LPP: variants seen among roughly 807,000 people sequenced by gnomAD.
LPP encodes LIM domain containing preferred translocation partner in lipoma, also known as lipoma-preferred partner.
Under a neutral mutation model 60.4 loss-of-function variants are expected in LPP, and 38 were observed. The ratio of observed to expected loss-of-function variants is 0.63; its 90% confidence interval spans 0.49 to 0.83. LPP has a LOEUF of 0.83. Ranked by LOEUF, LPP falls within the 40% of genes least tolerant of loss-of-function variation. The pLI, the probability that LPP is intolerant of heterozygous loss-of-function variation, is 0.00. For synonymous variants in LPP, 328 were observed against 290.8 expected, an observed-to-expected ratio of 1.13 and a Z score of -1.30; for missense variants, 902 against 783.6, an observed-to-expected ratio of 1.15 and a Z score of -1.80.
intron 4 of LPP, among the ~76,000 whole-genome samples, chr3:188,447,062 ACT>A (rs1560416216): frequency 6.6e-6 from 1 of 152,154 alleles, no homozygotes. Context: ...GTGTGGTCTA[ACT>A]CTGATTCCTT....
intron 3 of LPP, among the ~76,000 whole-genome samples, chr3:188,377,269 G>A (rs1372080451): frequency 6.6e-6 from 1 of 152,186 alleles, no homozygotes; most frequent in East Asian, 1.9e-4. Context: ...CTAGATTGGG[G>A]AAGTTCTTCT....
intron 3 of LPP, among the ~76,000 whole-genome samples, chr3:188,362,004 A>G (rs900733077): frequency 6.6e-6 from 1 of 152,186 alleles, no homozygotes; most frequent in East Asian, 1.9e-4. Flanking sequence ...TAGGGGACAC[A>G]AACACATAAA....
intron 3 of LPP, among the ~76,000 whole-genome samples, chr3:188,356,678 C>CT (rs1453702737): frequency 6.6e-6 from 1 of 152,194 alleles, no homozygotes; most frequent in Admixed American, 6.5e-5. Context: ...AACCTGGTCA[C>CT]TATGGAAGTT....
At chr3:188,285,010 A>T (rs58581982) in intron 2 of LPP, among the ~76,000 whole-genome samples, 19,591 of 152,014 alleles carry the variant, frequency 0.13, 1,495 homozygotes, top group African/African-American at 0.2. Context: ...CAGAGGGGGC[A>T]TAAGCAAGTG....
intron 1 of LPP, chr3:188,180,602 A>G (rs1465510444): frequency 6.5e-6 from 1 of 154,428 alleles, no homozygotes; most frequent in African/African-American, 2.4e-5. Flanking sequence ...ATGGAACCGT[A>G]TAAAGAAAAT....
At chr3:188,679,565 G>GCA (rs1858991792) in intron 7 of LPP, among the ~76,000 whole-genome samples, 3 of 135,230 alleles carry the variant, frequency 2.2e-5, no homozygotes, top group Non-Finnish European at 5.2e-5. Flanking sequence ...GTGTGTGTGC[G>GCA]CGCGCGCATG....
intron 4 of LPP, among the ~76,000 whole-genome samples, chr3:188,469,245 T>G (rs1801194316): frequency 1.3e-5 from 2 of 152,150 alleles, no homozygotes; most frequent in South Asian, 2.1e-4. Flanking sequence ...TTTGCAGATG[T>G]GGGACTGTGT....
chr3:188,401,377 C>T (rs1313877528), intron 3 of LPP, among the ~76,000 whole-genome samples: 2 of 152,176 alleles, frequency 1.3e-5, no homozygotes, highest in South Asian at 2.1e-4. Context: ...TTGCTTCATA[C>T]CCAAGCTCAC....
intron 6 of LPP, among the ~76,000 whole-genome samples, chr3:188,592,553 T>TGTTG (rs1453946551): frequency 8.2e-6 from 1 of 121,274 alleles, no homozygotes; most frequent in African/African-American, 2.9e-5. Flanking sequence ...TTAGTTTTGT[T>TGTTG]TTTGTTTTTT....
At chr3:188,783,869 C>CTCAGTAAAGGTTGATCAT (rs56671912) in intron 9 of LPP, among the ~76,000 whole-genome samples, 1 of 151,716 alleles carries the variant, frequency 6.6e-6, no homozygotes, top group South Asian at 2.1e-4. Flanking sequence ...AACTTGATAT[C>CTCAGTAAAGGTTGATCAT]TCATTCTTAC....
At chr3:188,540,868 G>A (rs1254558839) in intron 6 of LPP, among the ~76,000 whole-genome samples, 1 of 152,028 alleles carries the variant, frequency 6.6e-6, no homozygotes, top group Non-Finnish European at 1.5e-5. Context: ...TTTTCAGCTG[G>A]GCATCTTACT....
At chr3:188,764,609 A>G (rs1388083862) in intron 9 of LPP, among the ~76,000 whole-genome samples, 1 of 152,224 alleles carries the variant, frequency 6.6e-6, no homozygotes, top group East Asian at 1.9e-4. Context: ...AAGGGCAGCA[A>G]CAGTGCCTCC....
intron 5 of LPP, among the ~76,000 whole-genome samples, chr3:188,502,088 G>A (rs1393704966): frequency 2.0e-5 from 3 of 152,032 alleles, no homozygotes; most frequent in East Asian, 3.9e-4. Flanking sequence ...GCTTATTCAT[G>A]TTCTATCCTG....
intron 7 of LPP, among the ~76,000 whole-genome samples, chr3:188,683,467 C>A (rs1217541569): frequency 6.6e-6 from 1 of 152,140 alleles, no homozygotes; most frequent in African/African-American, 2.4e-5. Context: ...CAGTCCACAA[C>A]TGGAAGTTTC....
At chr3:188,330,989 GTCT>G (rs1048260008) in intron 2 of LPP, among the ~76,000 whole-genome samples, 2 of 151,976 alleles carry the variant, frequency 1.3e-5, no homozygotes, top group African/African-American at 2.4e-5. Flanking sequence ...AGACCATTTA[GTCT>G]TCTTATTTTT....
chr3:188,489,182 G>C (rs1807560635), intron 5 of LPP, among the ~76,000 whole-genome samples: 1 of 152,192 alleles, frequency 6.6e-6, no homozygotes, highest in Non-Finnish European at 1.5e-5. Flanking sequence ...GTGAGGCAGT[G>C]CTGCAGGATA....
At chr3:188,254,947 C>T (rs1218877947) in intron 2 of LPP, among the ~76,000 whole-genome samples, 3 of 152,164 alleles carry the variant, frequency 2.0e-5, no homozygotes, top group Admixed American at 1.3e-4. Context: ...TGGATAAATA[C>T]AGATAAATTC....
chr3:188,558,329 C>T (rs748758721), intron 6 of LPP, among the ~76,000 whole-genome samples: 3 of 152,070 alleles, frequency 2.0e-5, no homozygotes, highest in Non-Finnish European at 4.4e-5. Context: ...TTTCTCTGTT[C>T]GTATCATCTA....
chr3:188,183,917 C>G (rs1725836237), intron 1 of LPP, among the ~76,000 whole-genome samples: 1 of 152,050 alleles, frequency 6.6e-6, no homozygotes. Flanking sequence ...GGAATTTAAG[C>G]AAAAAGCCCA....
Sources: gnomAD v4.1 joint callset for allele counts (sites outside exome capture counted in the v4.1 genomes callset) on GRCh38, gnomAD v4.1.1 for gene constraint, MANE v1.5 for transcripts, NCBI Gene and HGNC (gene_info 2026-07-23, HGNC 2026-07-21) for gene names.